The following NT5E variants were observed in gnomAD, a reference collection of about 807,000 sequenced individuals.
NT5E encodes the protein 5'-nucleotidase ecto, also known as 5'-nucleotidase.
Under a neutral mutation model 55.1 loss-of-function variants are expected in NT5E, and 53 were observed. The observed-to-expected ratio is 0.96, with a 90% CI of 0.77 to 1.21. The LOEUF (loss-of-function observed/expected upper bound fraction) is 1.21. NT5E is among the 50% of genes most tolerant of loss of function. The pLI is 0.00. For synonymous variants in NT5E, 270 were observed against 278.4 expected (o/e 0.97, Z 0.30); for missense variants, 683 against 724.3 (o/e 0.94, Z 0.65).
intron 2 of NT5E, among the ~76,000 whole-genome samples, chr6:85,468,694 G>C (rs1042784282): frequency 6.6e-6 from 1 of 152,180 alleles, no homozygotes; most frequent in African/African-American, 2.4e-5. Context: ...TTGGATCAGG[G>C]CTAGATTGTA....
intron 4 of NT5E, among the ~76,000 whole-genome samples, chr6:85,486,678 G>A (rs1769671506): frequency 1.3e-5 from 2 of 152,118 alleles, no homozygotes; most frequent in Non-Finnish European, 2.9e-5. Flanking sequence ...GTCCAACCTG[G>A]CATTGTCTTT....
intron 2 of NT5E, among the ~76,000 whole-genome samples, chr6:85,470,353 A>G (rs565172251): frequency 3.0e-4 from 45 of 152,368 alleles, no homozygotes; most frequent in Admixed American, 5.2e-4. Flanking sequence ...ATAAGCACCC[A>G]GGGAAGAATG....
In NT5E at chr6:85,450,274, CGA is replaced by C. The variant is rs768854574; in HGVS notation, c.137_138del (p.Glu46GlyfsTer73). ...TGCACAGCCGGCTGGAGCAGACCAG[CGA>C]GGACTCCAGCAAGTGCGTCAACGCC... ...DVHSRLEQTS[E>X]DSSKCVNASR... On this transcript the variant is annotated frameshift_variant, in exon 1 of 9. Coordinates refer to ENST00000257770, the MANE Select transcript of NT5E (RefSeq NM_002526.4). LOFTEE classifies it high-confidence loss of function. The surrounding 1 kb of genome is among the most constrained non-coding windows in gnomAD (Gnocchi z 4.0). The C allele has an allele frequency of 1.4e-5, 22 of 1,608,450 alleles. No homozygotes were observed. The highest frequency in any genetic ancestry group is 1.8e-5 in the Non-Finnish European group (21 of 1,178,474).
chr6:85,485,348 TATCTGAAG>T lies in NT5E; in HGVS notation c.869_876del (p.Leu290ArgfsTer3). 1 of 1,614,174 alleles carries T rather than the reference TATCTGAAG, an allele frequency of 6.2e-7. No individual in the cohort carries two copies. The highest frequency in any genetic ancestry group is 8.5e-7 in the Non-Finnish European group (1 of 1,179,990). On this transcript the variant is annotated frameshift_variant, in exon 4 of 9. Coordinates refer to ENST00000257770, the MANE Select transcript of NT5E (RefSeq NM_002526.4). LOFTEE classifies it high-confidence loss of function. The stretch of plus-strand genomic sequence containing the variant: ...CTATGCTTTTGGCAAATACCTAGGC[TATCTGAAG>T]ATCGAGTTTGATGAAAGAGGAAACG...
chr6:85,482,145 C>A (rs1366803498), intron 3 of NT5E, among the ~76,000 whole-genome samples: 1 of 152,212 alleles, frequency 6.6e-6, no homozygotes, highest in Non-Finnish European at 1.5e-5. Context: ...TAAACCAGTT[C>A]TTGTGTTAAA....
chr6:85,454,409 A>C (rs1183514118), intron 1 of NT5E, among the ~76,000 whole-genome samples: 1 of 152,192 alleles, frequency 6.6e-6, no homozygotes, highest in Non-Finnish European at 1.5e-5. Flanking sequence ...TTTATCATGT[A>C]CTTTTCTAAT....
chr6:85,469,171 TC>T (rs1203624803), intron 2 of NT5E, among the ~76,000 whole-genome samples: 1 of 152,216 alleles, frequency 6.6e-6, no homozygotes, highest in African/African-American at 2.4e-5. Flanking sequence ...AATACAACTC[TC>T]CTCATGACAT....
chr6:85,458,473 C>T (rs949053388), intron 1 of NT5E, among the ~76,000 whole-genome samples: 2 of 152,162 alleles, frequency 1.3e-5, no homozygotes, highest in Admixed American at 6.5e-5. Flanking sequence ...ATCTTGTCCT[C>T]GTACTATTAA....
chr6:85,465,832 C>G (rs1769182294), intron 1 of NT5E, among the ~76,000 whole-genome samples: 2 of 152,140 alleles, frequency 1.3e-5, no homozygotes, highest in Non-Finnish European at 2.9e-5. Flanking sequence ...CATGCCATTA[C>G]AGAGTATGGA....
chr6:85,486,749 G>A lies in NT5E; in HGVS notation c.950-586G>A, dbSNP rs181324943. Among the ~76,000 whole-genome samples the A allele has an allele frequency of 1.2e-4, 18 of 152,208 alleles. No individual in the cohort carries two copies. In the East Asian group the frequency reaches 1.9e-3, roughly 16 times the overall value. On this transcript the variant is annotated intron_variant, in intron 4 of 8. Transcript: ENST00000257770. Reference sequence around the variant, plus strand: ...TCAGGAGCATTTCATCTTTTATTCCGTAGCAATAGTTTCAGGGCGTCTCCC... The same window carrying A: ...TCAGGAGCATTTCATCTTTTATTCCATAGCAATAGTTTCAGGGCGTCTCCC...
chr6:85,464,437 TG>T (rs1198643325), intron 1 of NT5E, among the ~76,000 whole-genome samples: 2 of 152,184 alleles, frequency 1.3e-5, no homozygotes, highest in Non-Finnish European at 2.9e-5. Flanking sequence ...GGTTCTGAGA[TG>T]TGCCCTGGGT....
intron 8 of NT5E, among the ~76,000 whole-genome samples, chr6:85,492,744 A>T (rs939029363): frequency 6.6e-6 from 1 of 152,208 alleles, no homozygotes; most frequent in Non-Finnish European, 1.5e-5. Flanking sequence ...CATTATGTGC[A>T]TACAGACCAC....
intron 5 of NT5E, among the ~76,000 whole-genome samples, chr6:85,487,702 A>G (rs938407898): frequency 2.0e-5 from 3 of 152,196 alleles, no homozygotes; most frequent in Admixed American, 6.5e-5. Flanking sequence ...AGTGAGCTAT[A>G]ATTGCACCAG....
chr6:85,490,000 G>A (rs1474759442), intron 6 of NT5E, among the ~76,000 whole-genome samples: 1 of 152,166 alleles, frequency 6.6e-6, no homozygotes, highest in Non-Finnish European at 1.5e-5. Context: ...GGATTAAAAT[G>A]TTACCTTAGT....
At chr6:85,465,718 G>A (rs76350911) in intron 1 of NT5E, among the ~76,000 whole-genome samples, 1,987 of 152,320 alleles carry the variant, frequency 0.013, 43 homozygotes, top group African/African-American at 0.046. Flanking sequence ...GAATGCCTGC[G>A]TGCCAAGGAG....
intron 1 of NT5E, among the ~76,000 whole-genome samples, chr6:85,452,656 C>G (rs952702459): frequency 6.6e-6 from 1 of 152,118 alleles, no homozygotes; most frequent in African/African-American, 2.4e-5. Context: ...GGGGGTGTGT[C>G]AAACATGATT....
Position 85,487,490 on chromosome 6 carries a change from G to A in NT5E, c.1104+1G>A. The A allele has an allele frequency of 6.2e-7, 1 of 1,614,182 alleles. No homozygotes were observed. The highest frequency in any genetic ancestry group is 1.3e-5 in the African/African-American group (1 of 75,060). ...GGGCAACCTGATTTGTGATGCAATG[G>A]TAAGTCATCAGCAGGAGTGGACATA... On this transcript the variant is annotated splice_donor_variant, in intron 5 of 8. Coordinates refer to ENST00000257770, the MANE Select transcript of NT5E (RefSeq NM_002526.4). LOFTEE classifies it high-confidence loss of function.
At chr6:85,485,869 T>G (rs1769644656) in intron 4 of NT5E, among the ~76,000 whole-genome samples, 1 of 152,154 alleles carries the variant, frequency 6.6e-6, no homozygotes, top group Non-Finnish European at 1.5e-5. Flanking sequence ...GAGTACCTTA[T>G]TTATATGTCT....
chr6:85,488,881 C>CTTT (rs71679910), intron 5 of NT5E, among the ~76,000 whole-genome samples: 8 of 102,702 alleles, frequency 7.8e-5, no homozygotes, highest in African/African-American at 2.0e-4. Flanking sequence ...TATGCCTGGC[C>CTTT]TTTTTTTTTT....
Sources: allele counts gnomAD v4.1 joint callset (sites outside exome capture counted in the v4.1 genomes callset), GRCh38; gene constraint gnomAD v4.1.1; non-coding constraint Gnocchi (gnomAD v3.1); transcripts MANE v1.5; gene names NCBI Gene and HGNC (gene_info 2026-07-23, HGNC 2026-07-21).